The following NKAIN3 variants were observed in gnomAD, a reference collection of about 807,000 sequenced individuals.
The protein encoded by NKAIN3 is sodium/potassium transporting ATPase interacting 3, also known as sodium/potassium-transporting ATPase subunit beta-1-interacting protein 3.
NKAIN3 carries 25 observed loss-of-function variants against 30.2 expected under a neutral mutation model. The ratio of observed to expected loss-of-function variants is 0.83; its 90% CI spans 0.60 to 1.16. The LOEUF (loss-of-function observed/expected upper bound fraction) is 1.16, where lower values mean the gene tolerates loss of function less well. NKAIN3 is among the 50% of genes most tolerant of loss of function. NKAIN3 has a pLI of 0.00. For missense variants in NKAIN3, 225 were observed against 254.1 expected, an observed-to-expected ratio of 0.89 and a Z score of 0.78; for synonymous variants, 91 against 89.6, an observed-to-expected ratio of 1.02 and a Z score of -0.09.
chr8:62,297,482 A>G (rs1389497957), intron 1 of NKAIN3, among the ~76,000 whole-genome samples: 2 of 152,018 alleles, frequency 1.3e-5, no homozygotes, highest in Non-Finnish European at 2.9e-5. Context: ...ACAAGAAAAA[A>G]ACAAACAACC....
chr8:62,343,625 C>T (rs1815825447), intron 1 of NKAIN3, among the ~76,000 whole-genome samples: 3 of 151,856 alleles, frequency 2.0e-5, no homozygotes, highest in Non-Finnish European at 4.4e-5. Flanking sequence ...GCCTGGGCAA[C>T]ACAGCAAGAT....
At chr8:62,930,812 T>C (rs1215314389) in intron 5 of NKAIN3, among the ~76,000 whole-genome samples, 1 of 151,866 alleles carries the variant, frequency 6.6e-6, no homozygotes, top group Non-Finnish European at 1.5e-5. Flanking sequence ...CATGCCATTC[T>C]CCTGCCTCAG....
chr8:62,990,413 A>G (rs1373880774), intron 5 of NKAIN3: 4 of 1,147,548 alleles, frequency 3.5e-6, no homozygotes, highest in Non-Finnish European at 2.2e-6. Flanking sequence ...TTTTTTAACC[A>G]GCAGTGCTCT....
intron 1 of NKAIN3, among the ~76,000 whole-genome samples, chr8:62,311,057 GA>G (rs1313213719): frequency 6.7e-6 from 1 of 150,260 alleles, no homozygotes; most frequent in Non-Finnish European, 1.5e-5. Context: ...AGTTATACCT[GA>G]AATCTCATTC....
chr8:62,641,012 T>TA (rs1491409588), intron 3 of NKAIN3, among the ~76,000 whole-genome samples: 3 of 121,088 alleles, frequency 2.5e-5, no homozygotes, highest in African/African-American at 9.3e-5. Flanking sequence ...CATTTATTTA[T>TA]TTTTTTTTTT....
At chr8:62,291,583 T>A (rs79671495) in intron 1 of NKAIN3, among the ~76,000 whole-genome samples, 5,064 of 152,310 alleles carry the variant, frequency 0.033, 310 homozygotes, top group African/African-American at 0.12. Flanking sequence ...TCTAGTTGAT[T>A]GCACTGTGGT....
chr8:62,913,649 G>A (rs908893491), intron 4 of NKAIN3, among the ~76,000 whole-genome samples: 2 of 152,140 alleles, frequency 1.3e-5, no homozygotes, highest in Non-Finnish European at 2.9e-5. Context: ...TGGCAAAGAC[G>A]TTATCTTGGA....
At chr8:62,333,219 A>G (rs1815415271) in intron 1 of NKAIN3, among the ~76,000 whole-genome samples, 1 of 152,064 alleles carries the variant, frequency 6.6e-6, no homozygotes, top group South Asian at 2.1e-4. Flanking sequence ...TTCCTCAAGT[A>G]CCCACAGGTA....
intron 5 of NKAIN3, among the ~76,000 whole-genome samples, chr8:62,946,047 A>T (rs770900703): frequency 2.2e-4 from 34 of 152,150 alleles, no homozygotes; most frequent in Admixed American, 1.2e-3. Flanking sequence ...CTGGCTTAAC[A>T]TTGAGCATTT....
intron 1 of NKAIN3, among the ~76,000 whole-genome samples, chr8:62,381,969 G>T (rs1315509228): frequency 6.6e-6 from 1 of 152,068 alleles, no homozygotes; most frequent in African/African-American, 2.4e-5. Context: ...CTAAAGTAAT[G>T]CCCTCTGTCT....
At chr8:62,658,812 C>G (rs1812848071) in intron 3 of NKAIN3, among the ~76,000 whole-genome samples, 2 of 152,056 alleles carry the variant, frequency 1.3e-5, no homozygotes, top group African/African-American at 4.8e-5. Flanking sequence ...CTTATGCCTC[C>G]AGGCTACTAT....
chr8:62,484,510 A>T (rs1053431713), intron 1 of NKAIN3, among the ~76,000 whole-genome samples: 4 of 152,112 alleles, frequency 2.6e-5, no homozygotes, highest in African/African-American at 9.7e-5. Context: ...TTTAATAGAG[A>T]GGGAGCATTG....
intron 3 of NKAIN3, among the ~76,000 whole-genome samples, chr8:62,696,115 CT>C (rs139004891): frequency 0.041 from 6,176 of 152,148 alleles, 420 homozygotes; most frequent in African/African-American, 0.14. Context: ...TTAATGGCCT[CT>C]GTTAATTTTC....
chr8:62,280,195 G>A (rs1233710589), intron 1 of NKAIN3, among the ~76,000 whole-genome samples: 1 of 152,120 alleles, frequency 6.6e-6, no homozygotes, highest in Non-Finnish European at 1.5e-5. Context: ...TGGTGTATAA[G>A]AATGCTTGTG....
intron 4 of NKAIN3, among the ~76,000 whole-genome samples, chr8:62,910,571 T>C (rs1298126002): frequency 6.6e-6 from 1 of 152,162 alleles, no homozygotes; most frequent in African/African-American, 2.4e-5. Context: ...TTTTATATTA[T>C]ACAGATTTCT....
At chr8:62,876,131 GAAAC>G (rs1177001106) in intron 4 of NKAIN3, among the ~76,000 whole-genome samples, 2 of 152,032 alleles carry the variant, frequency 1.3e-5, no homozygotes, top group Admixed American at 6.6e-5. Context: ...ATATTTACAA[GAAAC>G]AAACAACCCC....
At position 62,897,259 on chromosome 8, in the gene NKAIN3, A is replaced by T. The variant is rs565386144; in HGVS notation, c.472-21194A>T. Among the ~76,000 whole-genome samples the T allele has an allele frequency of 5.3e-5, 8 of 152,330 alleles. No individual in the cohort carries two copies. In the East Asian group the frequency reaches 1.4e-3, roughly 26 times the overall value. On this transcript the variant is annotated intron_variant, in intron 4 of 6. Transcript: ENST00000623646. The stretch of plus-strand genomic sequence containing the variant: ...CACATTGGTTCACCTAAATAGTCTT[A>T]CACTCAACAAAGTAATAGAACAGGC...
At chr8:62,646,263 A>T (rs1812457740) in intron 3 of NKAIN3, among the ~76,000 whole-genome samples, 1 of 152,110 alleles carries the variant, frequency 6.6e-6, no homozygotes, top group African/African-American at 2.4e-5. Flanking sequence ...GTTTAAATAA[A>T]ATAAAACTAA....
At chr8:62,366,821 G>T (rs982322044) in intron 1 of NKAIN3, among the ~76,000 whole-genome samples, 1 of 151,912 alleles carries the variant, frequency 6.6e-6, no homozygotes, top group Non-Finnish European at 1.5e-5. Context: ...TTTAATGTAG[G>T]CATTTATAGC....
Sources: allele counts gnomAD v4.1 joint callset (sites outside exome capture counted in the v4.1 genomes callset), GRCh38; gene constraint gnomAD v4.1.1; transcripts MANE v1.5; gene names NCBI Gene and HGNC (gene_info 2026-07-23, HGNC 2026-07-21).